The following GRIA1 variants were observed in gnomAD, a reference collection of about 807,000 sequenced individuals.
The protein encoded by GRIA1 is glutamate receptor 1.
Under a neutral mutation model 99.2 loss-of-function variants are expected in GRIA1, and 31 were observed. The observed-to-expected ratio is 0.31, with a 90% confidence interval of 0.23 to 0.42. GRIA1 has a LOEUF of 0.42. Among genes scored for constraint, GRIA1 ranks in the 10% least tolerant of loss-of-function variants. The pLI is 1.00. For missense variants in GRIA1, 782 were observed against 1,157.5 expected, an observed-to-expected ratio of 0.68 and a Z score of 4.71; for synonymous variants, 438 against 432.4, an observed-to-expected ratio of 1.01 and a Z score of -0.16.
intron 7 of GRIA1, among the ~76,000 whole-genome samples, chr5:153,681,286 C>T (rs529004454): frequency 2.0e-4 from 30 of 152,246 alleles, no homozygotes; most frequent in Non-Finnish European, 3.1e-4. Context: ...AGGAAAGTTC[C>T]GCCGCCATGA....
At chr5:153,557,369 A>G (rs1032220190) in intron 2 of GRIA1, among the ~76,000 whole-genome samples, 4 of 152,128 alleles carry the variant, frequency 2.6e-5, no homozygotes, top group South Asian at 2.1e-4. Context: ...GGTTCAAGCG[A>G]TTCTCCTGCC....
At chr5:153,706,280 T>C in intron 11 of GRIA1, 1 of 579,808 alleles carries the variant, frequency 1.7e-6, no homozygotes, top group Non-Finnish European at 3.1e-6. Context: ...GCTCTCTGGG[T>C]TGATGTGCTC....
rs185774885 is a variant in GRIA1, at chr5:153,545,698, G to A, written c.220+51633G>A. Among the ~76,000 whole-genome samples the A allele has an allele frequency of 2.2e-4, 34 of 152,224 alleles. 1 individual carries two copies. Among genetic ancestry groups the A allele is most frequent in the Admixed American group, 8.5e-4 (13 of 15,280 alleles). On this transcript the variant is annotated intron_variant, in intron 2 of 15. Coordinates refer to ENST00000285900, the MANE Select transcript of GRIA1 (RefSeq NM_000827.4). Reference sequence around the variant, plus strand: ...ATGTTTTAGATTTTGTGAGCCATACGGTCTCTGTCACAATTACTCAACTTT... The same window carrying A: ...ATGTTTTAGATTTTGTGAGCCATACAGTCTCTGTCACAATTACTCAACTTT...
At chr5:153,542,568 C>T (rs1759224596) in intron 2 of GRIA1, among the ~76,000 whole-genome samples, 1 of 152,184 alleles carries the variant, frequency 6.6e-6, no homozygotes. Flanking sequence ...TGTTTACAAG[C>T]AACTGGAGAT....
chr5:153,715,696 G>A (rs942994721), intron 11 of GRIA1, among the ~76,000 whole-genome samples: 1 of 152,084 alleles, frequency 6.6e-6, no homozygotes, highest in Non-Finnish European at 1.5e-5. Flanking sequence ...CTCTCTGAGG[G>A]CATCTTAAAT....
intron 10 of GRIA1, among the ~76,000 whole-genome samples, chr5:153,702,207 G>A (rs1758578552): frequency 6.6e-6 from 1 of 152,212 alleles, no homozygotes; most frequent in African/African-American, 2.4e-5. Context: ...GCAAATGTCT[G>A]CATTTGCAGA....
At position 153,723,586 on chromosome 5, in the gene GRIA1, A is replaced by G. The variant is rs184281824; in HGVS notation, c.1823+17519A>G. ...GACTTAAAAAACGGCGCACCAGGAG[A>G]TTATATCCCCCACCTGGCTCGGAGG... On this transcript the variant is annotated intron_variant, in intron 11 of 15. Transcript: ENST00000285900. Among the ~76,000 whole-genome samples the G allele has an allele frequency of 3.3e-3, 495 of 152,232 alleles. 5 individuals are homozygous for G. Among genetic ancestry groups the G allele is most frequent in the African/African-American group, 0.012 (483 of 41,550 alleles).
intron 2 of GRIA1, among the ~76,000 whole-genome samples, chr5:153,552,999 A>G (rs1257829594): frequency 6.6e-6 from 1 of 152,186 alleles, no homozygotes; most frequent in East Asian, 1.9e-4. Flanking sequence ...TCTTGGCCTC[A>G]AGCAATACTC....
intron 5 of GRIA1, among the ~76,000 whole-genome samples, chr5:153,660,497 G>A (rs755666007): frequency 1.1e-4 from 16 of 152,232 alleles, no homozygotes; most frequent in Admixed American, 3.9e-4. Flanking sequence ...TCTTATTACC[G>A]TGCCATGTGA....
chr5:153,654,280 A>T (rs1160557895), intron 4 of GRIA1, among the ~76,000 whole-genome samples: 4 of 152,192 alleles, frequency 2.6e-5, no homozygotes, highest in Non-Finnish European at 5.9e-5. Context: ...AGGTTGGATC[A>T]TATGAAATTG....
chr5:153,742,085 A>C (rs772829785), intron 11 of GRIA1, among the ~76,000 whole-genome samples: 12 of 152,098 alleles, frequency 7.9e-5, no homozygotes. Context: ...AGTTTAAGTA[A>C]ATATAATAGC....
At chr5:153,614,222 A>G (rs1053463265) in intron 2 of GRIA1, among the ~76,000 whole-genome samples, 1 of 152,234 alleles carries the variant, frequency 6.6e-6, no homozygotes, top group South Asian at 2.1e-4. Context: ...TTACTTGGGT[A>G]TTTAGTTGTT....
chr5:153,694,747 C>T, intron 8 of GRIA1, among the ~76,000 whole-genome samples: 1 of 152,178 alleles, frequency 6.6e-6, no homozygotes, highest in East Asian at 1.9e-4. Flanking sequence ...TGGGCTCCCT[C>T]TTTTTTAAAA....
intron 2 of GRIA1, among the ~76,000 whole-genome samples, chr5:153,556,522 G>A (rs1322161799): frequency 1.3e-5 from 2 of 152,082 alleles, no homozygotes; most frequent in East Asian, 3.9e-4. Context: ...AACCCTTAAG[G>A]TAGTATCTCA....
chr5:153,499,182 T>C (rs1316887935), intron 2 of GRIA1, among the ~76,000 whole-genome samples: 1 of 152,198 alleles, frequency 6.6e-6, no homozygotes, highest in Non-Finnish European at 1.5e-5. Context: ...GAAAGGTGAT[T>C]ATCCCCATTT....
intron 2 of GRIA1, among the ~76,000 whole-genome samples, chr5:153,566,328 C>T (rs1347640989): frequency 2.5e-4 from 1 of 4,030 alleles, no homozygotes; most frequent in Non-Finnish European, 8.5e-4. Flanking sequence ...TTTCCAGAGA[C>T]AGAGTCTCAC....
At chr5:153,593,905 A>G (rs10057063) in intron 2 of GRIA1, among the ~76,000 whole-genome samples, 19,492 of 152,250 alleles carry the variant, frequency 0.13, 1,266 homozygotes, top group Middle Eastern at 0.15. Context: ...TTTCTTAAGA[A>G]AGACAACATG....
intron 2 of GRIA1, among the ~76,000 whole-genome samples, chr5:153,620,539 A>C (rs1282192226): frequency 6.6e-6 from 1 of 152,182 alleles, no homozygotes; most frequent in South Asian, 2.1e-4. Flanking sequence ...TGCTTGTTAC[A>C]CATGAGCCTG....
intron 7 of GRIA1, among the ~76,000 whole-genome samples, chr5:153,684,120 C>A (rs1270953319): frequency 2.0e-5 from 3 of 152,264 alleles, no homozygotes; most frequent in East Asian, 1.9e-4. Flanking sequence ...AAGACTTGAG[C>A]AGATCACTTT....
Sources: gnomAD v4.1 joint callset for allele counts (sites outside exome capture counted in the v4.1 genomes callset) on GRCh38, gnomAD v4.1.1 for gene constraint, MANE v1.5 for transcripts, NCBI Gene and HGNC (gene_info 2026-07-23, HGNC 2026-07-21) for gene names.